Variants in SGSM1 observed in about 807,000 individuals in gnomAD.
SGSM1 encodes small G protein signaling modulator 1, also known as RUN and TBC1 domain containing 2.
Under a neutral mutation model 133.8 loss-of-function variants are expected in SGSM1, and 73 were observed. The observed-to-expected ratio is 0.55, with a 90% CI of 0.45 to 0.66. SGSM1 has a LOEUF of 0.66. Among genes scored for constraint, SGSM1 ranks in the 30% least tolerant of loss-of-function variants. The pLI is 0.00. For synonymous variants in SGSM1, 563 were observed against 573.0 expected, an observed-to-expected ratio of 0.98 and a Z score of 0.25; for missense variants, 1,213 against 1,448.1, an observed-to-expected ratio of 0.84 and a Z score of 2.64.
Position 24,898,175 on chromosome 22 carries a change from G to C in SGSM1, c.2226G>C (p.Gln742His). 1 of 1,614,000 alleles carries C rather than the reference G, an allele frequency of 6.2e-7. No homozygotes were observed. Among genetic ancestry groups the C allele is most frequent in the South Asian group, 1.1e-5 (1 of 91,080 alleles). ...CAGAAGACAGTGTCTTGGACGCCCA[G>C]CGGAACACCCCCACGGTGCTGCGAC... ...LSTEDSVLDA[Q>H]RNTPTVLRPR... Residue 742 changes from glutamine to histidine, a missense_variant, in exon 19 of 25, where the codon CAG becomes CAC. Transcript: ENST00000400358.
intron 20 of SGSM1, among the ~76,000 whole-genome samples, chr22:24,902,787 C>G (rs1419263419): frequency 6.6e-6 from 1 of 152,056 alleles, no homozygotes; most frequent in African/African-American, 2.4e-5. Flanking sequence ...AACTCTAATC[C>G]CAGCACTTTG....
chr22:24,847,550 C>G, intron 3 of SGSM1, 84 bp from the exon 4 acceptor site: 1 of 1,506,516 alleles, frequency 6.6e-7, no homozygotes. Context: ...TCCAAGGTTC[C>G]AGTGTCTGAC....
chr22:24,812,430 C>T (rs934177975), intron 2 of SGSM1, among the ~76,000 whole-genome samples: 4 of 152,268 alleles, frequency 2.6e-5, no homozygotes, highest in Non-Finnish European at 4.4e-5. Context: ...ATTCAAACCT[C>T]ATGTTGCCAA....
intron 21 of SGSM1, among the ~76,000 whole-genome samples, chr22:24,907,947 A>T (rs1012307569): frequency 5.0e-5 from 7 of 140,900 alleles, no homozygotes; most frequent in Admixed American, 4.3e-4. Context: ...ATGTTGCAGG[A>T]CTCACAGTAC....
chr22:24,907,260 C>CAAATAAAT (rs199825662), intron 21 of SGSM1, among the ~76,000 whole-genome samples: 35 of 142,660 alleles, frequency 2.5e-4, no homozygotes, highest in Admixed American at 5.7e-4. Flanking sequence ...AACTCCATCT[C>CAAATAAAT]AAATAAATAA....
At chr22:24,821,275 C>G (rs12170120) in intron 2 of SGSM1, among the ~76,000 whole-genome samples, 8,464 of 152,258 alleles carry the variant, frequency 0.056, 460 homozygotes, top group Admixed American at 0.15. Context: ...GACCTCAGGT[C>G]ATCCACCCTC....
At chr22:24,818,597 C>T (rs751248983) in intron 2 of SGSM1, among the ~76,000 whole-genome samples, 1 of 151,760 alleles carries the variant, frequency 6.6e-6, no homozygotes. Flanking sequence ...GAACTTCTGA[C>T]CTCAGATGAT....
chr22:24,909,368 T>C (rs1933534177), intron 21 of SGSM1, among the ~76,000 whole-genome samples: 1 of 152,056 alleles, frequency 6.6e-6, no homozygotes, highest in South Asian at 2.1e-4. Flanking sequence ...AAATCACGGG[T>C]TGATAAGAAT....
chr22:24,806,292 G>GCCGCCACCT lies in SGSM1; in HGVS notation c.-32_-31insGCCACCTCC. 1 of 1,417,718 alleles carries GCCGCCACCT rather than the reference G, an allele frequency of 7.1e-7. No individual in the cohort carries two copies. Among genetic ancestry groups the GCCGCCACCT allele is most frequent in the South Asian group, 1.5e-5 (1 of 65,832 alleles). The allele number at this position is 1,417,718 out of a possible 1,614,324, so 87.8% of individuals were successfully genotyped here. ...AGCTACCGCCGCCACCGCCGCCACCGCCTCCTGGGACTCGGAACGCAGCGC... is the reference window on the plus strand; with the variant it reads ...AGCTACCGCCGCCACCGCCGCCACCGCCGCCACCTCCTCCTGGGACTCGGAACGCAGCGC... On this transcript the variant is annotated 5_prime_UTR_variant, in exon 1 of 25. Transcript: ENST00000400358.
rs1389553184 is a variant in SGSM1, at chr22:24,925,152, T to C, written c.*878T>C. The C allele has an allele frequency of 6.6e-6, 1 of 151,654 alleles. No individual in the cohort carries two copies. Among genetic ancestry groups the C allele is most frequent in the African/African-American group, 2.4e-5 (1 of 41,338 alleles). The allele number at this position is 151,654 out of a possible 1,614,324, so 9.4% of individuals were successfully genotyped here. A position where few individuals can be genotyped will look rare whatever the true frequency, so the allele number is the denominator to read the frequency against. ...GTGGGCGGATCACAAGGTCAGGAGTTTTGAGACCAGCCTGGCCAACATGGT... is the reference window on the plus strand; with the variant it reads ...GTGGGCGGATCACAAGGTCAGGAGTCTTGAGACCAGCCTGGCCAACATGGT... On this transcript the variant is annotated 3_prime_UTR_variant, in exon 25 of 25. Coordinates refer to ENST00000400358, the MANE Select transcript of SGSM1 (RefSeq NM_001098497.3).
At position 24,847,653 on chromosome 22, in the gene SGSM1, T is replaced by C. The variant is rs768780831; in HGVS notation, c.159T>C (p.Val53=). The change falls in exon 4 of 25, where the codon GTT becomes GTC. Residue 53 remains valine, a synonymous_variant. Transcript: ENST00000400358. ...CTGCAGCGGCTGTGGAGGCCTGCGT[T>C]CTGCACGGGCTTCGGCGGCGGGCGG... is the stretch of plus-strand genomic sequence containing the variant. ...ISFCAAVEAC[V]LHGLRRRAAG... The C allele has an allele frequency of 6.2e-7, 1 of 1,613,622 alleles. No homozygotes were observed. The highest frequency in any genetic ancestry group is 8.5e-7 in the Non-Finnish European group (1 of 1,179,830).
chr22:24,855,720 C>G (rs372418450), intron 8 of SGSM1, 40 bp downstream of exon 8: 1 of 1,613,904 alleles, frequency 6.2e-7, no homozygotes, highest in Non-Finnish European at 8.5e-7. Context: ...CACTGAGGGT[C>G]TCACTCCAGG....
intron 24 of SGSM1, among the ~76,000 whole-genome samples, chr22:24,920,972 G>A (rs990593633): frequency 2.0e-5 from 3 of 152,044 alleles, no homozygotes; most frequent in Admixed American, 1.3e-4. Flanking sequence ...TTTTTCACTA[G>A]TATCCTTTTT....
At chr22:24,835,760 G>T (rs984424194) in intron 2 of SGSM1, among the ~76,000 whole-genome samples, 1 of 151,980 alleles carries the variant, frequency 6.6e-6, no homozygotes, top group Admixed American at 6.6e-5. Context: ...GTGTTGGGAT[G>T]GGGGAGAGGG....
At chr22:24,835,035 C>T (rs1003293468) in intron 2 of SGSM1, among the ~76,000 whole-genome samples, 10 of 152,266 alleles carry the variant, frequency 6.6e-5, no homozygotes, top group African/African-American at 2.4e-4. Flanking sequence ...CTGCCTATTG[C>T]CTCCTCCCCC....
At chr22:24,902,353 C>A (rs1933197406) in intron 20 of SGSM1, among the ~76,000 whole-genome samples, 1 of 152,020 alleles carries the variant, frequency 6.6e-6, no homozygotes, top group African/African-American at 2.4e-5. Context: ...AAGCCAAGAT[C>A]TACGACTGGT....
At chr22:24,823,881 G>A (rs1401085084) in intron 2 of SGSM1, among the ~76,000 whole-genome samples, 1 of 152,178 alleles carries the variant, frequency 6.6e-6, no homozygotes, top group Non-Finnish European at 1.5e-5. Flanking sequence ...CTGTACTCCA[G>A]CCTGGGCAAC....
At chr22:24,831,466 G>A (rs939662304) in intron 2 of SGSM1, among the ~76,000 whole-genome samples, 1 of 152,150 alleles carries the variant, frequency 6.6e-6, no homozygotes, top group African/African-American at 2.4e-5. Context: ...GATACCTAAG[G>A]CAATGTCATG....
intron 3 of SGSM1, among the ~76,000 whole-genome samples, chr22:24,845,400 C>T (rs1052316433): frequency 2.0e-5 from 3 of 152,118 alleles, no homozygotes; most frequent in East Asian, 1.9e-4. Context: ...GAAGGCAGGC[C>T]GAGGGCTCAG....
Sources: allele counts gnomAD v4.1 joint callset (sites outside exome capture counted in the v4.1 genomes callset), GRCh38; gene constraint gnomAD v4.1.1; transcripts MANE v1.5; gene names NCBI Gene and HGNC (gene_info 2026-07-23, HGNC 2026-07-21).